Variants in SLC6A8 observed in about 807,000 individuals in gnomAD.
SLC6A8 encodes the protein solute carrier family 6 member 8.
In SLC6A8, 6 loss-of-function variants were observed where a neutral mutation model predicts 48.3. The observed-to-expected ratio is 0.12, with a 90% CI of 0.07 to 0.25. SLC6A8 has a LOEUF of 0.25. Among genes scored for constraint, SLC6A8 ranks in the 10% least tolerant of loss-of-function variants. The probability of loss-of-function intolerance (pLI) is 1.00; values close to 1 mark genes in which losing one functional copy is unlikely to be tolerated. For missense variants in SLC6A8, 260 were observed against 551.5 expected, an observed-to-expected ratio of 0.47 and a Z score of 5.29; for synonymous variants, 245 against 244.0, an observed-to-expected ratio of 1.00 and a Z score of -0.04.
At chrX:153,693,696 A>G in intron 7 of SLC6A8, 110 bp downstream of exon 7, 1 of 983,531 alleles carries the variant, frequency 1.0e-6, no homozygotes, top group Admixed American at 2.3e-5. Context: ...TTCAAACGGA[A>G]CTTGTCAGAT....
rs367889260 is a variant in SLC6A8 at position 153,696,256 on chromosome X, G to C, written c.*1042G>C. 7 of 292,327 alleles carry C rather than the reference G, an allele frequency of 2.4e-5. No homozygotes were observed. The East Asian group carries it at 7.1e-4, about 30-fold the overall frequency. The allele number at this position is 292,327 out of a possible 1,213,427, so 24.1% of individuals were successfully genotyped here. A position where few individuals can be genotyped will look rare whatever the true frequency, so the allele number is the denominator to read the frequency against. ...GTGGGGCAAGAGGCTGCAATATTCC[G>C]TCCTGGGTGTCTGGGCTGCTAACCT... On this transcript the variant is annotated 3_prime_UTR_variant, in exon 13 of 13. Coordinates refer to ENST00000253122, the MANE Select transcript of SLC6A8 (RefSeq NM_005629.4).
At chrX:153,689,441 C>T (rs1482852711) in intron 1 of SLC6A8, 1 of 226,529 alleles carries the variant, frequency 4.4e-6, no homozygotes, top group Non-Finnish European at 6.2e-6. Context: ...CGCCCGGGCC[C>T]AGCTTAGCAA....
At chrX:153,693,768 C>T (rs2091470946) in intron 7 of SLC6A8, 137 bp from the exon 8 acceptor site, 4 of 785,239 alleles carry the variant, frequency 5.1e-6, no homozygotes, top group East Asian at 3.5e-5. Context: ...GACCTCCCAG[C>T]CCCTGCCGCA....
chrX:153,693,867 A>G (rs1378850617), intron 7 of SLC6A8, 38 bp from the exon 8 acceptor site: 8 of 1,051,312 alleles, frequency 7.6e-6, no homozygotes, highest in Non-Finnish European at 1.0e-5. Context: ...AGGGCAGGAC[A>G]TCGGCTACAA....
In SLC6A8 at chrX:153,692,048, C is replaced by T. The variant is rs2091458962; in HGVS notation, c.718C>T (p.Leu240=). ...CAACTGGGAGGTGACCCTTTGTCTG[C>T]TGGCCTGCTGGGTGCTGGTCTACTT... The part of the protein sequence containing the change: ...ALNWEVTLCL[L]ACWVLVYFCV... Residue 240 remains leucine (L), a synonymous_variant, in exon 4 of 13, where the codon CTG becomes TTG. Transcript: ENST00000253122. The T allele has an allele frequency of 8.3e-7, 1 of 1,199,344 alleles. No individual in the cohort carries two copies. The highest frequency in any genetic ancestry group is 1.1e-6 in the Non-Finnish European group (1 of 888,458).
Position 153,688,747 on chromosome X carries a change from A to G in SLC6A8, c.173A>G (p.Gln58Arg). ...CCGCCGCGCGAGACCTGGACGCGCC[A>G]GATGGACTTCATCATGTCGTGCGTG... Reference protein sequence around the residue: ...AVPPRETWTRQMDFIMSCVGF... With the variant: ...AVPPRETWTRRMDFIMSCVGF... Residue 58 changes from glutamine (Q) to arginine (R), a missense_variant, in exon 1 of 13, where the codon CAG becomes CGG. Coordinates refer to ENST00000253122, the MANE Select transcript of SLC6A8 (RefSeq NM_005629.4). 8.8e-7 allele frequency: 1 copy of G among 1,138,661 alleles called. No homozygotes were observed. The highest frequency in any genetic ancestry group is 1.2e-6 in the Non-Finnish European group (1 of 856,209). The allele number at this position is 1,138,661 out of a possible 1,213,427, so 93.8% of individuals were successfully genotyped here. A position where few individuals can be genotyped will look rare whatever the true frequency, so the allele number is the denominator to read the frequency against.
rs1191524014 is a variant in SLC6A8 at position 153,695,370 on chromosome X, C to T, written c.*156C>T. On this transcript the variant is annotated 3_prime_UTR_variant, in exon 13 of 13. Coordinates refer to ENST00000253122, the MANE Select transcript of SLC6A8 (RefSeq NM_005629.4). The stretch of plus-strand genomic sequence containing the variant: ...GCACCATGAGTGCTCACTAAAACAA[C>T]TTTTTCCATTTTTAATAAAACGCCA... The T allele has an allele frequency of 5.6e-6, 3 of 535,307 alleles. No homozygotes were observed. The highest frequency in any genetic ancestry group is 4.7e-5 in the African/African-American group (2 of 42,484). The allele number at this position is 535,307 out of a possible 1,213,427, so 44.1% of individuals were successfully genotyped here. A position where few individuals can be genotyped will look rare whatever the true frequency, so the allele number is the denominator to read the frequency against.
Position 153,694,553 on chromosome X carries a change from G to A in SLC6A8, c.1516G>A (p.Asp506Asn), listed in dbSNP as rs201526436. 3.8e-4 allele frequency: 460 copies of A among 1,207,138 alleles called. No homozygotes were observed. The highest frequency in any genetic ancestry group is 3.9e-4 in the Non-Finnish European group (350 of 893,718). The change falls in exon 11 of 13, where the codon GAC (aspartate) becomes AAC (asparagine). Residue 506 changes from aspartate (D) to asparagine (N), a missense_variant. Physicochemically the swap from Asp to Asn is conservative, Grantham distance 23 (BLOSUM62 1). Coordinates refer to ENST00000253122, the MANE Select transcript of SLC6A8 (RefSeq NM_005629.4). The part of the protein sequence containing the change: ...WVYGADRFMD[D>N]IACMIGYRPC... ...CGCAGGAGCTGACCGCTTCATGGAC[G>A]ACATTGCCTGTATGATCGGGTACCG... is the stretch of plus-strand genomic sequence containing the variant.
In SLC6A8 at chrX:153,694,904, C is replaced by CCCGG; in HGVS notation, c.1767+15_1767+16insCCGG. On this transcript the variant is annotated intron_variant, in intron 12 of 12. Transcript: ENST00000253122. ...CCATGGCTGAGGTAAGGCTCCCGCC[C>CCCGG]GGCCCGCCCTCCCCTCCCCTGCTGT... The CCCGG allele has an allele frequency of 8.8e-7, 1 of 1,132,288 alleles. No homozygotes were observed. The highest frequency in any genetic ancestry group is 1.2e-6 in the Non-Finnish European group (1 of 843,373). 93.3% of individuals were successfully genotyped at this position (1,132,288 alleles called of 1,213,427 possible). A position where few individuals can be genotyped will look rare whatever the true frequency, so the allele number is the denominator to read the frequency against.
chrX:153,693,391 G>C (rs782357791), intron 6 of SLC6A8, 25 bp downstream of exon 6: 2 of 1,203,846 alleles, frequency 1.7e-6, no homozygotes, highest in African/African-American at 3.5e-5. Context: ...CCTGCCACCC[G>C]TGCCCTGTCC....
intron 5 of SLC6A8, 32 bp downstream of exon 5, chrX:153,693,207 C>T (rs368869991): frequency 1.9e-5 from 23 of 1,208,024 alleles, no homozygotes; most frequent in South Asian, 1.8e-5. Flanking sequence ...TGCAGCAGGG[C>T]GCTGCGGGGG....
Position 153,690,227 on chromosome X carries a change from C to A in SLC6A8, c.263-148C>A, listed in dbSNP as rs377284240. On this transcript the variant is annotated intron_variant, in intron 1 of 12. Transcript: ENST00000253122. ...ACACTCAACCCACCCCCTCAAGACTCCACCTGGGGCCTGAGTCAGTGGCCA... is the reference window on the plus strand; with the variant it reads ...ACACTCAACCCACCCCCTCAAGACTACACCTGGGGCCTGAGTCAGTGGCCA... 1.9e-4 allele frequency: 105 copies of A among 565,700 alleles called. 1 individual carries two copies. The highest frequency in any genetic ancestry group is 4.9e-4 in the Middle Eastern group (1 of 2,021). The allele number at this position is 565,700 out of a possible 1,213,427, so 46.6% of individuals were successfully genotyped here. A position where few individuals can be genotyped will look rare whatever the true frequency, so the allele number is the denominator to read the frequency against.
Position 153,690,355 on chromosome X carries a change from C to T in SLC6A8, c.263-20C>T, listed in dbSNP as rs782755869. 29 of 1,187,633 alleles carry T rather than the reference C, an allele frequency of 2.4e-5. No homozygotes were observed. Among genetic ancestry groups the T allele is most frequent in the East Asian group, 1.8e-4 (6 of 32,782 alleles). Reference sequence around the variant, plus strand: ...CTGGCTGGGGGCCACCCTGAGTCCACGCTGTGCCTCCACCCCCAGGTGTGT... The same window carrying T: ...CTGGCTGGGGGCCACCCTGAGTCCATGCTGTGCCTCCACCCCCAGGTGTGT... On this transcript the variant is annotated intron_variant, in intron 1 of 12. Coordinates refer to ENST00000253122, the MANE Select transcript of SLC6A8 (RefSeq NM_005629.4).
chrX:153,690,580 G>A (rs1342052685), intron 2 of SLC6A8, 74 bp downstream of exon 2: 8 of 1,077,989 alleles, frequency 7.4e-6, no homozygotes, highest in Non-Finnish European at 1.0e-5. Context: ...ATCTTTTCCT[G>A]TCGTGAGCAC....
rs2091480391 is a variant in SLC6A8, at chrX:153,694,897, T to C, written c.1767+8T>C. ...AAGGGCACCATGGCTGAGGTAAGGC[T>C]CCCGCCCGGCCCGCCCTCCCCTCCC... On this transcript the variant is annotated splice_region_variant and intron_variant, in intron 12 of 12. Transcript: ENST00000253122. The C allele has an allele frequency of 1.9e-6, 2 of 1,052,982 alleles. No individual in the cohort carries two copies. Among genetic ancestry groups the C allele is most frequent in the Non-Finnish European group, 2.6e-6 (2 of 772,598 alleles). The allele number at this position is 1,052,982 out of a possible 1,213,427, so 86.8% of individuals were successfully genotyped here. A position where few individuals can be genotyped will look rare whatever the true frequency, so the allele number is the denominator to read the frequency against.
chrX:153,692,808 C>T, intron 4 of SLC6A8: 2 of 486,776 alleles, frequency 4.1e-6, no homozygotes, highest in Non-Finnish European at 7.4e-6. Flanking sequence ...CGCCTGCTCC[C>T]CACCGACACG....
At chrX:153,691,039 C>T (rs1442695050) in intron 2 of SLC6A8, 1 of 366,758 alleles carries the variant, frequency 2.7e-6, no homozygotes, top group Non-Finnish European at 4.9e-6. Flanking sequence ...GGAGACTCCA[C>T]AGCACTTGGT....
At position 153,695,448 on chromosome X, in the gene SLC6A8, G is replaced by A. The variant is rs782527490; in HGVS notation, c.*234G>A. 3.6e-4 allele frequency: 154 copies of A among 424,992 alleles called. 1 individual carries two copies. The highest frequency in any genetic ancestry group is 3.2e-3 in the African/African-American group (127 of 39,632). The allele number at this position is 424,992 out of a possible 1,213,427, so 35.0% of individuals were successfully genotyped here. A position where few individuals can be genotyped will look rare whatever the true frequency, so the allele number is the denominator to read the frequency against. On this transcript the variant is annotated 3_prime_UTR_variant, in exon 13 of 13. Transcript: ENST00000253122. ...TGCCTCTCCCCCTCCAGCCCTAGCC[G>A]AGCTGGTCCTAGGCCCCGCCTAGTG...
rs2091486563 is a variant in SLC6A8 at position 153,695,628 on chromosome X, G to A, written c.*414G>A. 1 of 198,177 alleles carries A rather than the reference G, an allele frequency of 5.0e-6. No homozygotes were observed. The highest frequency in any genetic ancestry group is 9.3e-6 in the Non-Finnish European group (1 of 107,556). 16.3% of individuals were successfully genotyped at this position (198,177 alleles called of 1,213,427 possible). A position where few individuals can be genotyped will look rare whatever the true frequency, so the allele number is the denominator to read the frequency against. On this transcript the variant is annotated 3_prime_UTR_variant, in exon 13 of 13. Transcript: ENST00000253122. ...GGGAAATGTGAGGAAGGGAAGGAGG[G>A]AGAGACGGGAGGGAGGAGAGAGAGG...
Sources: gnomAD v4.1 joint callset for allele counts on GRCh38, gnomAD v4.1.1 for gene constraint, MANE v1.5 for transcripts, NCBI Gene and HGNC (gene_info 2026-07-23, HGNC 2026-07-21) for gene names.